L3MBTL2: variants seen among roughly 807,000 people sequenced by gnomAD.
L3MBTL2 encodes the protein L3MBTL histone methyl-lysine binding protein 2.
Under a neutral mutation model 86.4 loss-of-function variants are expected in L3MBTL2, and 49 were observed. That is an observed-to-expected ratio of 0.57 (90% confidence interval 0.45 to 0.72). The LOEUF (loss-of-function observed/expected upper bound fraction) is 0.72. Among genes scored for constraint, L3MBTL2 ranks in the 30% least tolerant of loss-of-function variants. The pLI is 0.00. For synonymous variants in L3MBTL2, 336 were observed against 350.6 expected (o/e 0.96, Z 0.47); for missense variants, 755 against 923.7 (o/e 0.82, Z 2.37).
intron 1 of L3MBTL2, chr22:41,208,556 C>T: frequency 3.9e-6 from 1 of 259,548 alleles, no homozygotes. Context: ...ATGACTTGCC[C>T]AAGGCCCTAT....
Position 41,222,257 on chromosome 22 carries a change from T to C in L3MBTL2, c.942+970T>C, listed in dbSNP as rs148864048. ...AATACAAAGAATACAGACCCTGCCA[T>C]CCAGAAATCTCTAGTCTGGCAGAGG... On this transcript the variant is annotated intron_variant, in intron 8 of 16. Coordinates refer to ENST00000216237, the MANE Select transcript of L3MBTL2 (RefSeq NM_031488.5). 6.1e-3 allele frequency among the ~76,000 whole-genome samples: 929 copies of C among 152,212 alleles called. 5 individuals are homozygous for C. The highest frequency in any genetic ancestry group is 0.021 in the African/African-American group (891 of 41,548).
intron 5 of L3MBTL2, chr22:41,218,867 C>G (rs1469395122): frequency 3.3e-5 from 5 of 152,666 alleles, no homozygotes; most frequent in Non-Finnish European, 7.3e-5. Flanking sequence ...CTCAGGTGAT[C>G]CGCCCGTCTC....
At chr22:41,212,283 G>A (rs1428390188) in intron 2 of L3MBTL2, among the ~76,000 whole-genome samples, 1 of 152,028 alleles carries the variant, frequency 6.6e-6, no homozygotes, top group Non-Finnish European at 1.5e-5. Context: ...GGAACCATTA[G>A]AGACCACTTA....
In L3MBTL2 at chr22:41,227,784, C is replaced by A. The variant is rs1413127753; in HGVS notation, c.1823-20C>A. The A allele has an allele frequency of 1.1e-5, 17 of 1,613,636 alleles. No homozygotes were observed. Among genetic ancestry groups the A allele is most frequent in the Non-Finnish European group, 1.4e-5 (17 of 1,179,838 alleles). Reference sequence around the variant, plus strand: ...AGGGACCCTCTTCTCATCTCTTTCACCCTTGTCTTTCAACAACAGAACCGG... The same window carrying A: ...AGGGACCCTCTTCTCATCTCTTTCAACCTTGTCTTTCAACAACAGAACCGG... On this transcript the variant is annotated intron_variant, in intron 14 of 16. Coordinates refer to ENST00000216237, the MANE Select transcript of L3MBTL2 (RefSeq NM_031488.5). This position sits in a 1 kb window ranked among gnomAD's most constrained non-coding sequence, Gnocchi z 6.0.
Position 41,219,421 on chromosome 22 carries a change from C to T in L3MBTL2, c.603C>T (p.Val201=). The T allele has an allele frequency of 2.5e-6, 4 of 1,610,126 alleles. No homozygotes were observed. The highest frequency in any genetic ancestry group is 3.4e-6 in the Non-Finnish European group (4 of 1,176,496). The change falls in exon 6 of 17, where the codon GTC becomes GTT. Residue 201 remains valine (V), a splice_region_variant and synonymous_variant. Transcript: ENST00000216237. ...GGTACACTCTCATCGCCACACAGGT[C>T]CCACTCTATGACCAGTGGGAGGATG... ...KAAPVSCFKH[V]PLYDQWEDVM...
chr22:41,216,631 CTG>C (rs1433896799), intron 4 of L3MBTL2, among the ~76,000 whole-genome samples: 1 of 152,166 alleles, frequency 6.6e-6, no homozygotes, highest in Non-Finnish European at 1.5e-5. Context: ...GAGCCTCTCT[CTG>C]AGTGTGTAGC....
intron 1 of L3MBTL2, among the ~76,000 whole-genome samples, chr22:41,207,373 C>G (rs1243982165): frequency 6.7e-6 from 1 of 148,874 alleles, no homozygotes; most frequent in Non-Finnish European, 1.5e-5. Flanking sequence ...CCTCCCTAAC[C>G]AAAACACCCA....
Position 41,227,804 on chromosome 22 carries a change from A to G in L3MBTL2, c.1823A>G (p.Glu608Gly). The change falls in exon 15 of 17, where the codon GAA becomes GGA. Residue 608 changes from glutamate (E) to glycine (G), a missense_variant and splice_region_variant. Physicochemically the swap from Glu to Gly is moderately conservative, Grantham distance 98. Around this residue, in one of 3 missense-constraint regions of L3MBTL2, gnomAD observed 634 missense variants for 748.9 expected, o/e 0.85. Transcript: ENST00000216237. This position sits in a 1 kb window ranked among gnomAD's most constrained non-coding sequence, Gnocchi z 6.0. ...TTTCACCCTTGTCTTTCAACAACAGAACCGGCCACACCGCTGAAGGCCAAA... is the reference window on the plus strand; with the variant it reads ...TTTCACCCTTGTCTTTCAACAACAGGACCGGCCACACCGCTGAAGGCCAAA... ...GYQLQPPVAAEPATPLKAKEA... is the reference protein window; with the variant it reads ...GYQLQPPVAAGPATPLKAKEA... The G allele has an allele frequency of 6.2e-7, 1 of 1,613,712 alleles. No homozygotes were observed. Among genetic ancestry groups the G allele is most frequent in the Non-Finnish European group, 8.5e-7 (1 of 1,179,808 alleles).
chr22:41,229,987 C>T, intron 16 of L3MBTL2, 152 bp from the exon 17 acceptor site: 1 of 685,602 alleles, frequency 1.5e-6, no homozygotes, highest in Non-Finnish European at 2.5e-6. Flanking sequence ...CCCTTTGCTG[C>T]TGCCACTGCC....
Position 41,227,148 on chromosome 22 carries a change from G to GC in L3MBTL2, c.1651dup (p.Arg551ProfsTer21). On this transcript the variant is annotated frameshift_variant, in exon 14 of 17. Transcript: ENST00000216237. LOFTEE classifies it high-confidence loss of function. The surrounding 1 kb of genome is among the most constrained non-coding windows in gnomAD (Gnocchi z 6.0). ...AGCTGGAGGCCGTGGACCTGATGGA[G>GC]CCCCGGCTCATCTGTGTGGCCACGG... The GC allele has an allele frequency of 6.2e-7, 1 of 1,613,710 alleles. No individual in the cohort carries two copies. Among genetic ancestry groups the GC allele is most frequent in the Non-Finnish European group, 8.5e-7 (1 of 1,180,010 alleles).
chr22:41,209,888 A>G lies in L3MBTL2; in HGVS notation c.217A>G (p.Ser73Gly), dbSNP rs199991179. 2.5e-6 allele frequency: 4 copies of G among 1,614,132 alleles called. No individual in the cohort carries two copies. The African/African-American group carries it at 5.3e-5, about 22-fold the overall frequency. Residue 73 changes from serine to glycine, a missense_variant, in exon 2 of 17, where the codon AGC becomes GGC. By Grantham distance (56) the Ser-to-Gly change is moderately conservative. Around this residue, in one of 3 missense-constraint regions of L3MBTL2, gnomAD observed 103 missense variants for 105.2 expected, o/e 0.98. Coordinates refer to ENST00000216237, the MANE Select transcript of L3MBTL2 (RefSeq NM_031488.5). Reference sequence around the variant, plus strand: ...GCCGACCTCCCCGCTGCATTTGCTCAGCCCTGGGACTCCTCGCTCCTTGGA... The same window carrying G: ...GCCGACCTCCCCGCTGCATTTGCTCGGCCCTGGGACTCCTCGCTCCTTGGA... ...ELPTSPLHLL[S>G]PGTPRSLDGS...
In L3MBTL2 at chr22:41,220,758, A is replaced by C. The variant is rs1034176964; in HGVS notation, c.743A>C (p.Glu248Ala). 4 of 1,613,410 alleles carry C rather than the reference A, an allele frequency of 2.5e-6. No individual in the cohort carries two copies. The African/African-American group carries it at 4.0e-5, about 16-fold the overall frequency. Residue 248 changes from glutamate to alanine, a missense_variant, in exon 7 of 17, where the codon GAA becomes GCA. Glu to Ala is a moderately radical substitution (Grantham distance 107). Coordinates refer to ENST00000216237, the MANE Select transcript of L3MBTL2 (RefSeq NM_031488.5). ...TAGYRVLLRY[E>A]GFENDASHDF... Reference sequence around the variant, plus strand: ...GGGTATCGGGTGCTGCTTCGGTATGAAGGCTTTGAAAATGACGCCAGCCAT... The same window carrying C: ...GGGTATCGGGTGCTGCTTCGGTATGCAGGCTTTGAAAATGACGCCAGCCAT...
intron 2 of L3MBTL2, among the ~76,000 whole-genome samples, chr22:41,212,812 T>C (rs1349447509): frequency 6.7e-6 from 1 of 149,304 alleles, no homozygotes; most frequent in African/African-American, 2.5e-5. Flanking sequence ...GGAGAATCCC[T>C]TGAACCCGGG....
chr22:41,220,661 A>G (rs1287192114), intron 6 of L3MBTL2, 73 bp from the exon 7 acceptor site: 6 of 1,008,752 alleles, frequency 5.9e-6, no homozygotes, highest in Admixed American at 3.1e-5. Flanking sequence ...TCGTCTCAGA[A>G]AAAAAAAAAA....
At chr22:41,211,205 T>A (rs888379656) in intron 2 of L3MBTL2, among the ~76,000 whole-genome samples, 4 of 152,106 alleles carry the variant, frequency 2.6e-5, no homozygotes, top group Admixed American at 6.6e-5. Context: ...CCCAAACTTT[T>A]TTTGTTTTAT....
intron 15 of L3MBTL2, 180 bp from the exon 16 acceptor site, chr22:41,229,360 A>C: frequency 1.6e-6 from 1 of 625,738 alleles, no homozygotes. Flanking sequence ...ATTGGAGAGA[A>C]TCTGAGCTCA....
rs1218820264 is a variant in L3MBTL2 at position 41,209,692 on chromosome 22, T to C, written c.25-4T>C. 6.2e-7 allele frequency: 1 copy of C among 1,613,594 alleles called. No individual in the cohort carries two copies. Among genetic ancestry groups the C allele is most frequent in the Non-Finnish European group, 8.5e-7 (1 of 1,179,560 alleles). ...TCTACCTGGTTTGTGTCATCCTCCA[T>C]TAGGAGACCCCATCTTCAGAACCAA... On this transcript the variant is annotated splice_region_variant and splice_polypyrimidine_tract_variant and intron_variant, in intron 1 of 16. Coordinates refer to ENST00000216237, the MANE Select transcript of L3MBTL2 (RefSeq NM_031488.5).
rs1471272158 is a variant in L3MBTL2, at chr22:41,227,907, C to G, written c.1888+38C>G. 1 of 1,606,042 alleles carries G rather than the reference C, an allele frequency of 6.2e-7. No homozygotes were observed. Among genetic ancestry groups the G allele is most frequent in the Non-Finnish European group, 8.5e-7 (1 of 1,176,246 alleles). ...CCGGTGCAGCCAGGCTGGTGTGGGC[C>G]TGGGAGCAGTGGGCCTGCGTCCCTG... On this transcript the variant is annotated intron_variant, in intron 15 of 16. Transcript: ENST00000216237. The surrounding 1 kb of genome is among the most constrained non-coding windows in gnomAD (Gnocchi z 6.0).
chr22:41,220,343 A>G (rs890046386), intron 6 of L3MBTL2, among the ~76,000 whole-genome samples: 2 of 152,134 alleles, frequency 1.3e-5, no homozygotes, highest in African/African-American at 4.8e-5. Context: ...GCCTGGAAGT[A>G]TAGGTGCCAG....
Sources: allele counts gnomAD v4.1 joint callset (sites outside exome capture counted in the v4.1 genomes callset), GRCh38; gene constraint gnomAD v4.1.1; regional missense constraint gnomAD v4.1.1; non-coding constraint Gnocchi (gnomAD v3.1); transcripts MANE v1.5; gene names NCBI Gene and HGNC (gene_info 2026-07-23, HGNC 2026-07-21).